Variants in DYNC2I1 observed in about 807,000 individuals in gnomAD.
DYNC2I1 encodes cytoplasmic dynein 2 intermediate chain 1.
DYNC2I1 carries 89 observed loss-of-function variants against 133.4 expected under a neutral mutation model. The ratio of observed to expected loss-of-function variants is 0.67; its 90% confidence interval spans 0.56 to 0.80. The LOEUF (loss-of-function observed/expected upper bound fraction) is 0.80, where lower values mean the gene tolerates loss of function less well. DYNC2I1 is among the 30% of genes least tolerant of loss of function. The pLI, the probability that DYNC2I1 is intolerant of heterozygous loss-of-function variation, is 0.00. For synonymous variants in DYNC2I1, 504 were observed against 484.3 expected (o/e 1.04, Z -0.54); for missense variants, 1,291 against 1,314.5 (o/e 0.98, Z 0.28).
chr7:158,891,798 T>A (rs1225008546), intron 8 of DYNC2I1, among the ~76,000 whole-genome samples: 1 of 152,186 alleles, frequency 6.6e-6, no homozygotes, highest in South Asian at 2.1e-4. Flanking sequence ...TTATAAATAA[T>A]TTTCAGAATA....
chr7:158,919,394 G>A (rs1479277369), intron 15 of DYNC2I1, among the ~76,000 whole-genome samples: 1 of 152,222 alleles, frequency 6.6e-6, no homozygotes, highest in Non-Finnish European at 1.5e-5. Flanking sequence ...AGAAAGTACA[G>A]TTGCATGTAA....
At chr7:158,872,932 A>G (rs931606518) in intron 3 of DYNC2I1, among the ~76,000 whole-genome samples, 1 of 151,754 alleles carries the variant, frequency 6.6e-6, no homozygotes, top group Non-Finnish European at 1.5e-5. Context: ...AGGAGGTTGC[A>G]ATGAGCTGAG....
intron 8 of DYNC2I1, among the ~76,000 whole-genome samples, chr7:158,899,746 C>G (rs1846066467): frequency 6.6e-6 from 1 of 152,178 alleles, no homozygotes; most frequent in Non-Finnish European, 1.5e-5. Flanking sequence ...TCTCTTCCTG[C>G]CACCACGTTC....
At chr7:158,921,952 G>A (rs1011663038) in intron 15 of DYNC2I1, among the ~76,000 whole-genome samples, 9 of 151,954 alleles carry the variant, frequency 5.9e-5, no homozygotes, top group East Asian at 5.8e-4. Context: ...TCAGCCGCTC[G>A]CAGCCTTTGA....
intron 8 of DYNC2I1, among the ~76,000 whole-genome samples, chr7:158,891,662 T>A (rs1234737620): frequency 6.6e-6 from 1 of 152,106 alleles, no homozygotes; most frequent in Non-Finnish European, 1.5e-5. Flanking sequence ...TTAGGGTGAA[T>A]GAACAGACAG....
intron 7 of DYNC2I1, among the ~76,000 whole-genome samples, chr7:158,888,351 G>A (rs1844826107): frequency 6.6e-6 from 1 of 151,108 alleles, no homozygotes; most frequent in Admixed American, 6.6e-5. Flanking sequence ...AGATAATGTG[G>A]CAAGCATATT....
At chr7:158,891,387 C>T (rs968728887) in intron 8 of DYNC2I1, 54 bp downstream of exon 8, 2 of 1,596,968 alleles carry the variant, frequency 1.3e-6, no homozygotes, top group African/African-American at 2.7e-5. Flanking sequence ...CACAGACCCA[C>T]TCACATTTGC....
Position 158,945,454 on chromosome 7 carries a change from A to T in DYNC2I1, c.3003-127A>T. On this transcript the variant is annotated intron_variant, in intron 24 of 24. Transcript: ENST00000407559. The surrounding 1 kb of genome is among the most constrained non-coding windows in gnomAD (Gnocchi z 4.1). Reference sequence around the variant, plus strand: ...TTCTGGTCTAGCTTTCATTTTGGCTATTGGTATTTTTAGAATTTCTCATCC... The same window carrying T: ...TTCTGGTCTAGCTTTCATTTTGGCTTTTGGTATTTTTAGAATTTCTCATCC... 9.5e-7 allele frequency: 1 copy of T among 1,047,198 alleles called. No individual in the cohort carries two copies. The highest frequency in any genetic ancestry group is 1.6e-5 in the African/African-American group (1 of 61,760). The allele number at this position is 1,047,198 out of a possible 1,614,324, so 64.9% of individuals were successfully genotyped here.
intron 23 of DYNC2I1, among the ~76,000 whole-genome samples, chr7:158,939,267 A>G (rs1329789593): frequency 2.7e-5 from 3 of 112,068 alleles, no homozygotes. Context: ...CTCTACAAAA[A>G]AAAACCCAAA....
At chr7:158,924,932 T>G (rs1453377101) in intron 17 of DYNC2I1, among the ~76,000 whole-genome samples, 1 of 152,166 alleles carries the variant, frequency 6.6e-6, no homozygotes, top group Non-Finnish European at 1.5e-5. Flanking sequence ...ATTTCTGTAT[T>G]TTTAGTAGAG....
At position 158,942,201 on chromosome 7, in the gene DYNC2I1, G is replaced by A. The variant is rs149827566; in HGVS notation, c.3002+53G>A. On this transcript the variant is annotated intron_variant, in intron 24 of 24. Transcript: ENST00000407559. ...CTGGTTGTGGGGGGGCTTCGGCCAC[G>A]GGTGCCACTTACGGTCTTTCTTCAT... 0.015 allele frequency: 21,655 copies of A among 1,401,400 alleles called. 195 individuals carry two copies. The highest frequency in any genetic ancestry group is 0.018 in the Non-Finnish European group (18,496 of 1,045,732). 86.8% of individuals were successfully genotyped at this position (1,401,400 alleles called of 1,614,324 possible). A position where few individuals can be genotyped will look rare whatever the true frequency, so the allele number is the denominator to read the frequency against.
intron 1 of DYNC2I1, among the ~76,000 whole-genome samples, chr7:158,861,881 CAGTT>C (rs1333204631): frequency 6.6e-6 from 1 of 152,184 alleles, no homozygotes; most frequent in African/African-American, 2.4e-5. Context: ...CAGGGAGCGT[CAGTT>C]ACACAGTCAA....
At chr7:158,951,974 C>T (rs147793445) in intron 4 of DYNC2I1, among the ~76,000 whole-genome samples, 3 of 152,312 alleles carry the variant, frequency 2.0e-5, no homozygotes, top group African/African-American at 4.8e-5. Context: ...CCTCCAGACC[C>T]GCCTTTCCTG....
chr7:158,848,143 C>T, the DYNC2I1 span, among the ~76,000 whole-genome samples: 2 of 152,148 alleles, frequency 1.3e-5, no homozygotes, highest in East Asian at 1.9e-4. Context: ...AGAGGTTATT[C>T]CCAAGAGAAT....
chr7:158,866,617 G>T (rs923083316), intron 1 of DYNC2I1, among the ~76,000 whole-genome samples: 1 of 152,126 alleles, frequency 6.6e-6, no homozygotes, highest in Non-Finnish European at 1.5e-5. Flanking sequence ...GGGCGTGGTG[G>T]CTCACAACTG....
chr7:158,913,809 A>G (rs1003916974), intron 13 of DYNC2I1, among the ~76,000 whole-genome samples: 2 of 152,164 alleles, frequency 1.3e-5, no homozygotes, highest in African/African-American at 4.8e-5. Flanking sequence ...CTTGGGTTCA[A>G]GTGATTCTCC....
intron 20 of DYNC2I1, among the ~76,000 whole-genome samples, chr7:158,927,889 T>C (rs1849782150): frequency 6.6e-6 from 1 of 152,224 alleles, no homozygotes; most frequent in South Asian, 2.1e-4. Flanking sequence ...TAATGAGTTC[T>C]GTTTACAGCT....
chr7:158,900,248 A>G (rs1460380434), intron 8 of DYNC2I1, among the ~76,000 whole-genome samples: 5 of 151,802 alleles, frequency 3.3e-5, no homozygotes, highest in Non-Finnish European at 5.9e-5. Context: ...CAGCCTCCCA[A>G]GTAGCTGGGG....
intron 15 of DYNC2I1, among the ~76,000 whole-genome samples, chr7:158,920,292 G>A (rs1484300143): frequency 6.6e-6 from 1 of 150,748 alleles, no homozygotes; most frequent in Non-Finnish European, 1.5e-5. Flanking sequence ...CTCCATCGGG[G>A]AACACGTGAA....
Sources: gnomAD v4.1 joint callset for allele counts (sites outside exome capture counted in the v4.1 genomes callset) on GRCh38, gnomAD v4.1.1 for gene constraint, Gnocchi (gnomAD v3.1) non-coding constraint, MANE v1.5 for transcripts, NCBI Gene and HGNC (gene_info 2026-07-23, HGNC 2026-07-21) for gene names.